ARHGEF38: variants seen among roughly 807,000 people sequenced by gnomAD.
ARHGEF38 encodes Rho guanine nucleotide exchange factor (GEF) 38.
A neutral mutation model predicts 79.9 loss-of-function variants in ARHGEF38; 79 were observed. The observed-to-expected ratio is 0.99, with a 90% CI of 0.82 to 1.19. The LOEUF (loss-of-function observed/expected upper bound fraction) is 1.19, where lower values mean the gene tolerates loss of function less well. Among genes scored for constraint, ARHGEF38 ranks in the 50% most tolerant of loss-of-function variants. ARHGEF38 has a pLI of 0.00. For synonymous variants in ARHGEF38, 366 were observed against 328.3 expected (o/e 1.11, Z -1.24); for missense variants, 962 against 907.2 (o/e 1.06, Z -0.78).
intron 5 of ARHGEF38, among the ~76,000 whole-genome samples, chr4:105,644,471 C>A (rs1729754329): frequency 6.6e-6 from 1 of 152,198 alleles, no homozygotes; most frequent in Admixed American, 6.5e-5. Context: ...TGTGAACTGC[C>A]TAACCAGTTG....
chr4:105,618,419 C>T (rs1007659232), intron 3 of ARHGEF38, among the ~76,000 whole-genome samples: 4 of 152,110 alleles, frequency 2.6e-5, no homozygotes, highest in African/African-American at 4.8e-5. Flanking sequence ...GGGCGGATCA[C>T]GAGACCAGCC....
chr4:105,661,561 G>C (rs867022257), intron 10 of ARHGEF38, among the ~76,000 whole-genome samples: 12 of 150,006 alleles, frequency 8.0e-5, no homozygotes, highest in Middle Eastern at 3.5e-3. Context: ...TCTCATTGTG[G>C]TTTTTATTTG....
chr4:105,585,060 C>T (rs1726969021), intron 1 of ARHGEF38, among the ~76,000 whole-genome samples: 1 of 152,194 alleles, frequency 6.6e-6, no homozygotes, highest in South Asian at 2.1e-4. Context: ...AGCTGTCCAC[C>T]CACTTTAGAG....
chr4:105,671,477 G>GTAATGCA (rs1730956478), intron 13 of ARHGEF38, among the ~76,000 whole-genome samples: 1 of 152,166 alleles, frequency 6.6e-6, no homozygotes, highest in Non-Finnish European at 1.5e-5. Flanking sequence ...GACTCCCCCT[G>GTAATGCA]TAATGCATAA....
chr4:105,618,359 T>C (rs763475544), intron 3 of ARHGEF38, among the ~76,000 whole-genome samples: 8 of 152,136 alleles, frequency 5.3e-5, no homozygotes, highest in Non-Finnish European at 1.2e-4. Flanking sequence ...GAAGAACGGC[T>C]GGGCATGGTG....
rs202046848 is a variant in ARHGEF38, at chr4:105,667,019, AAT to A, written c.1690-105_1690-104del. The A allele has an allele frequency of 5.7e-4, 531 of 935,586 alleles. 3 individuals carry two copies. The African/African-American group carries it at 7.6e-3, about 13-fold the overall frequency. 58.0% of individuals were successfully genotyped at this position (935,586 alleles called of 1,614,324 possible). A position where few individuals can be genotyped will look rare whatever the true frequency, so the allele number is the denominator to read the frequency against. On this transcript the variant is annotated intron_variant, in intron 11 of 13. Transcript: ENST00000420470. ...CTGCACCTTGAAATAATCCTCTAAA[AAT>A]ATATGACTCCTACGTTTTAAAAATC...
rs150977772 is a variant in ARHGEF38 at position 105,680,183 on chromosome 4, CCTTT to C, written c.*2251_*2254del. The C allele has an allele frequency of 3.2e-3, 1,721 of 541,902 alleles. 23 individuals are homozygous for C. Among genetic ancestry groups the C allele is most frequent in the African/African-American group, 0.028 (1,483 of 52,078 alleles). 33.6% of individuals were successfully genotyped at this position (541,902 alleles called of 1,614,324 possible). Reference sequence around the variant, plus strand: ...AAAACCAGGTCTTCTGACTTTAAGGCCTTTCTTTTAGTGTTTTCCCTTTTCTTTT... The same window carrying C: ...AAAACCAGGTCTTCTGACTTTAAGGCCTTTTAGTGTTTTCCCTTTTCTTTT... On this transcript the variant is annotated 3_prime_UTR_variant, in exon 14 of 14. Transcript: ENST00000420470.
rs10018352 is a variant in ARHGEF38 at position 105,589,472 on chromosome 4, A to G, written c.384+37A>G. The G allele has an allele frequency of 1.2e-3, 1,842 of 1,556,234 alleles. 15 individuals carry two copies. In the African/African-American group the frequency reaches 0.023, roughly 19 times the overall value. On this transcript the variant is annotated intron_variant, in intron 2 of 13. Coordinates refer to ENST00000420470, the MANE Select transcript of ARHGEF38 (RefSeq NM_001242729.2). The stretch of plus-strand genomic sequence containing the variant: ...TTTGAGATTTTTTTTTCTCTCCCAT[A>G]TCATAAATAGGATCACTAGCACCAT...
chr4:105,668,959 T>C (rs1234534733), intron 13 of ARHGEF38, among the ~76,000 whole-genome samples: 1 of 152,066 alleles, frequency 6.6e-6, no homozygotes, highest in East Asian at 1.9e-4. Flanking sequence ...GGTGGGAGAA[T>C]TGCACAAGCC....
At chr4:105,626,454 C>T (rs987913349) in intron 3 of ARHGEF38, among the ~76,000 whole-genome samples, 1 of 152,156 alleles carries the variant, frequency 6.6e-6, no homozygotes, top group African/African-American at 2.4e-5. Context: ...CTATTATTAT[C>T]TGCATTTTAC....
intron 2 of ARHGEF38, among the ~76,000 whole-genome samples, chr4:105,593,245 T>TA (rs1239964391): frequency 4.6e-5 from 7 of 151,742 alleles, no homozygotes; most frequent in Non-Finnish European, 1.5e-5. Flanking sequence ...TAAAAAACAG[T>TA]AAAAAACACG....
chr4:105,679,949 T>C lies in ARHGEF38; in HGVS notation c.*2012T>C, dbSNP rs1013037705. 30 of 1,367,036 alleles carry C rather than the reference T, an allele frequency of 2.2e-5. No homozygotes were observed. The highest frequency in any genetic ancestry group is 2.9e-5 in the Non-Finnish European group (28 of 960,238). 84.7% of individuals were successfully genotyped at this position (1,367,036 alleles called of 1,614,324 possible). The stretch of plus-strand genomic sequence containing the variant: ...ACCTCTCTGAAGCCTTTTAGTGTAA[T>C]TTCTCTTTGTGACTGTGCAATGTCC... On this transcript the variant is annotated 3_prime_UTR_variant, in exon 14 of 14. Coordinates refer to ENST00000420470, the MANE Select transcript of ARHGEF38 (RefSeq NM_001242729.2).
intron 11 of ARHGEF38, 89 bp downstream of exon 11, chr4:105,666,409 T>A (rs1730751127): frequency 7.6e-7 from 1 of 1,313,594 alleles, no homozygotes; most frequent in African/African-American, 1.5e-5. Flanking sequence ...AGATCACTTA[T>A]CTCATTCTAA....
At chr4:105,616,739 T>A (rs1376430927) in intron 3 of ARHGEF38, among the ~76,000 whole-genome samples, 1 of 152,094 alleles carries the variant, frequency 6.6e-6, no homozygotes, top group East Asian at 1.9e-4. Flanking sequence ...CATCAAAGGG[T>A]CCTCAATGCT....
rs2110555084 is a variant in ARHGEF38 at position 105,654,107 on chromosome 4, G to A, written c.1051G>A (p.Ala351Thr). The A allele has an allele frequency of 1.3e-6, 2 of 1,521,296 alleles. No individual in the cohort carries two copies. The highest frequency in any genetic ancestry group is 4.9e-5 in the East Asian group (2 of 40,612). The allele number at this position is 1,521,296 out of a possible 1,614,324, so 94.2% of individuals were successfully genotyped here. A position where few individuals can be genotyped will look rare whatever the true frequency, so the allele number is the denominator to read the frequency against. Reference protein sequence around the residue: ...TFNREEKLFRALEKTVRLCVK... With the variant: ...TFNREEKLFRTLEKTVRLCVK... ...TAACAGAGAAGAAAAGCTGTTTAGA[G>A]CTTTAGAAAAGACTGTGAGGCTTTG... The change falls in exon 8 of 14, where the codon GCT (alanine) becomes ACT (threonine). Residue 351 changes from alanine to threonine, a missense_variant. By Grantham distance (58) the Ala-to-Thr change is moderately conservative. Coordinates refer to ENST00000420470, the MANE Select transcript of ARHGEF38 (RefSeq NM_001242729.2).
At chr4:105,605,567 G>T (rs1728003572) in intron 2 of ARHGEF38, among the ~76,000 whole-genome samples, 1 of 152,124 alleles carries the variant, frequency 6.6e-6, no homozygotes, top group African/African-American at 2.4e-5. Flanking sequence ...TAAAAGACTT[G>T]CTGTATAGCT....
intron 1 of ARHGEF38, among the ~76,000 whole-genome samples, chr4:105,567,256 C>T (rs544911845): frequency 6.6e-6 from 1 of 152,176 alleles, no homozygotes; most frequent in African/African-American, 2.4e-5. Flanking sequence ...TAAATACTGA[C>T]CAATATTTTA....
intron 2 of ARHGEF38, among the ~76,000 whole-genome samples, chr4:105,613,131 C>T (rs546156265): frequency 5.9e-5 from 9 of 152,068 alleles, no homozygotes; most frequent in Admixed American, 3.3e-4. Context: ...CATTCTGGTT[C>T]TTATAGGAAT....
At chr4:105,665,420 C>T (rs994993758) in intron 10 of ARHGEF38, among the ~76,000 whole-genome samples, 5 of 151,808 alleles carry the variant, frequency 3.3e-5, no homozygotes, top group African/African-American at 9.7e-5. Context: ...TCACTTGAAC[C>T]AGGGAGTCGG....
Sources: allele counts gnomAD v4.1 joint callset (sites outside exome capture counted in the v4.1 genomes callset), GRCh38; gene constraint gnomAD v4.1.1; transcripts MANE v1.5; gene names NCBI Gene and HGNC (gene_info 2026-07-23, HGNC 2026-07-21).